Variants in CTU1 observed in about 807,000 individuals in gnomAD.
CTU1 encodes the protein cytoplasmic tRNA 2-thiolation protein 1.
CTU1 carries 15 observed loss-of-function variants against 12.9 expected under a neutral mutation model. The ratio of observed to expected loss-of-function variants is 1.16; its 90% CI spans 0.78 to 1.79. CTU1 has a LOEUF of 1.79. Among genes scored for constraint, CTU1 ranks in the 40% most tolerant of loss-of-function variants. The probability of loss-of-function intolerance (pLI) is 0.00; values close to 1 mark genes in which losing one functional copy is unlikely to be tolerated. For synonymous variants in CTU1, 295 were observed against 275.6 expected, an observed-to-expected ratio of 1.07 and a Z score of -0.70; for missense variants, 553 against 550.5, an observed-to-expected ratio of 1.00 and a Z score of -0.05.
chr19:51,107,051 C>A (rs2091922345), intron 1 of CTU1, among the ~76,000 whole-genome samples: 1 of 152,184 alleles, frequency 6.6e-6, no homozygotes, highest in Non-Finnish European at 1.5e-5. Flanking sequence ...ACCCTGGACT[C>A]ATCTCTCCTC....
Sources: gnomAD v4.1 joint callset for allele counts (sites outside exome capture counted in the v4.1 genomes callset) on GRCh38, gnomAD v4.1.1 for gene constraint, MANE v1.5 for transcripts, NCBI Gene and HGNC (gene_info 2026-07-23, HGNC 2026-07-21) for gene names.